HCN1: variants seen among roughly 807,000 people sequenced by gnomAD.
HCN1 encodes the protein hyperpolarization activated cyclic nucleotide gated potassium channel 1.
HCN1 carries 13 observed loss-of-function variants against 78.9 expected under a neutral mutation model. That is an observed-to-expected ratio of 0.16 (90% CI 0.11 to 0.26). The LOEUF (loss-of-function observed/expected upper bound fraction) is 0.26. Among genes scored for constraint, HCN1 ranks in the 10% least tolerant of loss-of-function variants. The probability of loss-of-function intolerance (pLI) is 1.00; values close to 1 mark genes in which losing one functional copy is unlikely to be tolerated. For synonymous variants in HCN1, 552 were observed against 455.5 expected (o/e 1.21, Z -2.70); for missense variants, 810 against 1,154.3 (o/e 0.70, Z 4.32).
chr5:45,595,263 C>G (rs1219060770), intron 2 of HCN1, among the ~76,000 whole-genome samples: 3 of 152,214 alleles, frequency 2.0e-5, no homozygotes, highest in Admixed American at 6.5e-5. Context: ...TGGGTTACCT[C>G]ACTTGGATTC....
At chr5:45,286,441 C>T (rs899352835) in intron 6 of HCN1, among the ~76,000 whole-genome samples, 4 of 151,866 alleles carry the variant, frequency 2.6e-5, no homozygotes, top group Non-Finnish European at 4.4e-5. Context: ...TAACATATTT[C>T]AAATCTTTAC....
intron 3 of HCN1, among the ~76,000 whole-genome samples, chr5:45,444,196 TAATCAAGTGAGTTCAGTAAGAGGC>T (rs1251661002): frequency 6.6e-6 from 1 of 152,182 alleles, no homozygotes; most frequent in African/African-American, 2.4e-5. Context: ...CTCTGTCAAA[TAATCAAGTGAGTTCAGTAAGAGGC>T]TATTAAAAAC....
At chr5:45,346,475 C>A (rs1026622292) in intron 5 of HCN1, among the ~76,000 whole-genome samples, 1 of 152,138 alleles carries the variant, frequency 6.6e-6, no homozygotes, top group African/African-American at 2.4e-5. Context: ...ATCTGAGGTA[C>A]CGGGTTCATC....
At chr5:45,687,102 G>C (rs1438151135) in intron 1 of HCN1, among the ~76,000 whole-genome samples, 1 of 152,116 alleles carries the variant, frequency 6.6e-6, no homozygotes, top group Non-Finnish European at 1.5e-5. Flanking sequence ...TGCAGACTTT[G>C]TTACATCGTC....
intron 5 of HCN1, among the ~76,000 whole-genome samples, chr5:45,336,336 A>G (rs1746455667): frequency 6.6e-6 from 1 of 152,120 alleles, no homozygotes; most frequent in African/African-American, 2.4e-5. Context: ...ACATCTTAAG[A>G]ATTTTCCTCA....
intron 6 of HCN1, among the ~76,000 whole-genome samples, chr5:45,276,792 T>C (rs1431098047): frequency 6.6e-6 from 1 of 152,064 alleles, no homozygotes; most frequent in Non-Finnish European, 1.5e-5. Context: ...AGTAATTCTG[T>C]ACATCATTGG....
intron 1 of HCN1, among the ~76,000 whole-genome samples, chr5:45,674,976 A>G (rs1315398869): frequency 6.6e-6 from 1 of 151,804 alleles, no homozygotes; most frequent in African/African-American, 2.4e-5. Flanking sequence ...ATAAGTACTT[A>G]CTATATGTTG....
intron 2 of HCN1, among the ~76,000 whole-genome samples, chr5:45,520,023 G>A (rs970702323): frequency 1.3e-5 from 2 of 151,762 alleles, no homozygotes; most frequent in Non-Finnish European, 2.9e-5. Flanking sequence ...AAATCTTAGT[G>A]GATAAAAATA....
chr5:45,380,464 T>C (rs1747783506), intron 4 of HCN1, among the ~76,000 whole-genome samples: 1 of 152,122 alleles, frequency 6.6e-6, no homozygotes, highest in Non-Finnish European at 1.5e-5. Context: ...GAAAACATTC[T>C]GGAATAATTT....
chr5:45,659,633 A>C (rs1180511854), intron 1 of HCN1, among the ~76,000 whole-genome samples: 1 of 145,374 alleles, frequency 6.9e-6, no homozygotes, highest in African/African-American at 2.6e-5. Context: ...CTGAAAACCA[A>C]GGCTCGAGAA....
At chr5:45,372,480 A>G (rs1310202925) in intron 4 of HCN1, among the ~76,000 whole-genome samples, 62 of 126,952 alleles carry the variant, frequency 4.9e-4, no homozygotes, top group Non-Finnish European at 7.4e-4. Flanking sequence ...AAAAATATAT[A>G]AAACATTTAC....
At chr5:45,667,239 G>T (rs918143937) in intron 1 of HCN1, among the ~76,000 whole-genome samples, 2 of 151,754 alleles carry the variant, frequency 1.3e-5, no homozygotes, top group Admixed American at 1.3e-4. Flanking sequence ...TTTCTCATGG[G>T]GTCAGAGTTC....
chr5:45,365,743 T>G (rs2111997287), intron 4 of HCN1, among the ~76,000 whole-genome samples: 1 of 152,048 alleles, frequency 6.6e-6, no homozygotes, highest in East Asian at 1.9e-4. Context: ...AGTTCTATTT[T>G]TAGTTCTTTG....
intron 1 of HCN1, among the ~76,000 whole-genome samples, chr5:45,657,533 A>G (rs367950196): frequency 1.3e-5 from 2 of 152,146 alleles, no homozygotes; most frequent in African/African-American, 4.8e-5. Flanking sequence ...TTATTTATAA[A>G]TTTACTAAGT....
rs1341074044 is a variant in HCN1, at chr5:45,696,182, G to A, written c.-89C>T. 1 of 816,502 alleles carries A rather than the reference G, an allele frequency of 1.2e-6. No individual in the cohort carries two copies. 50.6% of individuals were successfully genotyped at this position (816,502 alleles called of 1,614,324 possible). ...CACGTAGCCGAGAGGGTAGGGGCCC[G>A]AGCCGGCTGCCGGCGAGCCCAGCTG... On this transcript the variant is annotated 5_prime_UTR_variant, in exon 1 of 8. Coordinates refer to ENST00000303230, the MANE Select transcript of HCN1 (RefSeq NM_021072.4).
At chr5:45,623,698 T>C (rs1745111575) in intron 2 of HCN1, among the ~76,000 whole-genome samples, 1 of 152,176 alleles carries the variant, frequency 6.6e-6, no homozygotes, top group Non-Finnish European at 1.5e-5. Context: ...CTTTACGTTG[T>C]TTTAGGCAAA....
At chr5:45,657,169 T>G (rs1745782227) in intron 1 of HCN1, among the ~76,000 whole-genome samples, 1 of 152,200 alleles carries the variant, frequency 6.6e-6, no homozygotes, top group Non-Finnish European at 1.5e-5. Context: ...TTTAATTTTC[T>G]GAGCAATTCA....
chr5:45,679,909 C>T (rs1200128850), intron 1 of HCN1, among the ~76,000 whole-genome samples: 1 of 151,950 alleles, frequency 6.6e-6, no homozygotes, highest in East Asian at 1.9e-4. Context: ...CTGCAGTGAG[C>T]TCTCATAATT....
intron 2 of HCN1, among the ~76,000 whole-genome samples, chr5:45,626,743 T>C (rs994733638): frequency 1.3e-5 from 2 of 151,790 alleles, no homozygotes; most frequent in African/African-American, 4.8e-5. Flanking sequence ...ACAAGCTGAG[T>C]TTGAAAGGGT....
Sources: allele counts gnomAD v4.1 joint callset (sites outside exome capture counted in the v4.1 genomes callset), GRCh38; gene constraint gnomAD v4.1.1; transcripts MANE v1.5; gene names NCBI Gene and HGNC (gene_info 2026-07-23, HGNC 2026-07-21).